ZNF28: variants seen among roughly 807,000 people sequenced by gnomAD.
The protein encoded by ZNF28 is zinc finger protein 28.
ZNF28 carries 5 observed loss-of-function variants against 7.2 expected under a neutral mutation model. The observed-to-expected ratio is 0.70, with a 90% CI of 0.36 to 1.46. ZNF28 has a LOEUF of 1.46. ZNF28 is among the 40% of genes most tolerant of loss of function. The pLI, the probability that ZNF28 is intolerant of heterozygous loss-of-function variation, is 0.03. For synonymous variants in ZNF28, 288 were observed against 292.4 expected (o/e 0.99, Z 0.15); for missense variants, 879 against 866.6 (o/e 1.01, Z -0.18).
intron 2 of ZNF28, chr19:52,810,454 CAA>C: frequency 6.3e-7 from 1 of 1,596,772 alleles, no homozygotes; most frequent in Non-Finnish European, 8.6e-7. Flanking sequence ...ATAGAGTTCT[CAA>C]AGAGTCAGTG....
intron 1 of ZNF28, among the ~76,000 whole-genome samples, chr19:52,818,885 GAAAAAA>G (rs561203089): frequency 0.025 from 2,832 of 114,300 alleles, 344 homozygotes; most frequent in African/African-American, 0.089. Flanking sequence ...GTCTGTTTGG[GAAAAAA>G]AAAAAAAAAA....
intron 3 of ZNF28, among the ~76,000 whole-genome samples, chr19:52,804,853 A>G (rs1695033774): frequency 6.6e-6 from 1 of 152,240 alleles, no homozygotes; most frequent in African/African-American, 2.4e-5. Context: ...GACAGGAGAA[A>G]GAGCATCTCA....
chr19:52,808,055 G>A lies in ZNF28; in HGVS notation c.94C>T (p.Leu32Phe), dbSNP rs1303989335. 3.1e-6 allele frequency: 5 copies of A among 1,613,592 alleles called. No individual in the cohort carries two copies. The highest frequency in any genetic ancestry group is 1.3e-5 in the African/African-American group (1 of 75,050). ...WKCLDPAQRT[L>F]YRDVMLENYR... is the part of the protein sequence containing the mutation. ...TTCTCCAGCATCACATCCCTGTAAAGAGTCCTCTGAGCAGGGTCCAGGCAT... is the reference window on the plus strand; with the variant it reads ...TTCTCCAGCATCACATCCCTGTAAAAAGTCCTCTGAGCAGGGTCCAGGCAT... The change falls in exon 3 of 4, where the codon CTT (leucine) becomes TTT (phenylalanine). Residue 32 changes from leucine (L) to phenylalanine (F), a missense_variant. By Grantham distance (22) the Leu-to-Phe change is conservative (BLOSUM62 0). This residue lies in a region of ZNF28 where 864 missense variants were observed against 830.2 expected (regional missense o/e 1.04). Transcript: ENST00000457749.
chr19:52,809,316 C>T (rs1568653969), intron 2 of ZNF28, among the ~76,000 whole-genome samples: 1 of 152,212 alleles, frequency 6.6e-6, no homozygotes, highest in Non-Finnish European at 1.5e-5. Context: ...GCAAAGGACA[C>T]ATGTGTTGTC....
At chr19:52,807,107 C>T (rs2062946752) in intron 3 of ZNF28, among the ~76,000 whole-genome samples, 1 of 152,192 alleles carries the variant, frequency 6.6e-6, no homozygotes, top group Non-Finnish European at 1.5e-5. Context: ...ACCTGTAATA[C>T]ATTCCCACCC....
chr19:52,800,590 C>T lies in ZNF28; in HGVS notation c.1255G>A (p.Ala419Thr), dbSNP rs2062852949. ...GCCAGGTATGAATTATATGCAAAAG[C>T]CTTGTCACAAACCTTACATTTGTAT... ...KPYKCKVCDK[A>T]FAYNSYLAKH... Residue 419 changes from alanine to threonine, a missense_variant, in exon 4 of 4, where the codon GCT (alanine) becomes ACT (threonine). Ala to Thr is a moderately conservative substitution (Grantham distance 58, BLOSUM62 0). This residue lies in a region of ZNF28 where 864 missense variants were observed against 830.2 expected (regional missense o/e 1.04). Coordinates refer to ENST00000457749, the MANE Select transcript of ZNF28 (RefSeq NM_006969.5). The T allele has an allele frequency of 1.9e-6, 3 of 1,613,124 alleles. No individual in the cohort carries two copies. Among genetic ancestry groups the T allele is most frequent in the Admixed American group, 1.7e-5 (1 of 59,846 alleles).
Position 52,799,467 on chromosome 19 carries a change from T to C in ZNF28, c.*221A>G, listed in dbSNP as rs970307679. On this transcript the variant is annotated 3_prime_UTR_variant, in exon 4 of 4. Transcript: ENST00000457749. ...TTTCTCTGCAGTATGAATTCTATGA[T>C]GACGTGCAAGGGTTGTTTTTTGATT... is the stretch of plus-strand genomic sequence containing the variant. 7.4e-5 allele frequency: 65 copies of C among 878,368 alleles called. No individual in the cohort carries two copies. The highest frequency in any genetic ancestry group is 2.2e-4 in the Middle Eastern group (1 of 4,448). The allele number at this position is 878,368 out of a possible 1,614,324, so 54.4% of individuals were successfully genotyped here. A position where few individuals can be genotyped will look rare whatever the true frequency, so the allele number is the denominator to read the frequency against.
Position 52,799,724 on chromosome 19 carries a change from T to G in ZNF28, c.2121A>C (p.Val707=). 1 of 1,610,738 alleles carries G rather than the reference T, an allele frequency of 6.2e-7. No homozygotes were observed. The highest frequency in any genetic ancestry group is 1.1e-5 in the South Asian group (1 of 90,896). ...CTCCACTATGAAGTCTATGATGGTA[T>G]ACAAGGTTTGACATCTGACTGAAGG... ...GKTFSQMSNL[V]YHHRLHSGEK... is the part of the protein sequence containing the mutation. Residue 707 remains valine (V), a synonymous_variant, in exon 4 of 4, where the codon GTA becomes GTC. Transcript: ENST00000457749.
chr19:52,802,884 C>T (rs1395479745), intron 3 of ZNF28, among the ~76,000 whole-genome samples: 3 of 151,054 alleles, frequency 2.0e-5, no homozygotes, highest in South Asian at 4.2e-4. Context: ...CCTCAGCCTC[C>T]CCAGCAGCTT....
intron 2 of ZNF28, chr19:52,810,088 GAGCCACCGGC>G: frequency 5.2e-6 from 4 of 774,830 alleles, no homozygotes; most frequent in Non-Finnish European, 6.9e-6. Flanking sequence ...CCTCGTTCAG[GAGCCACCGGC>G]AGCCAAGAGG....
chr19:52,802,853 C>G (rs1052424943), intron 3 of ZNF28, among the ~76,000 whole-genome samples: 1 of 150,116 alleles, frequency 6.7e-6, no homozygotes, highest in Non-Finnish European at 1.5e-5. Flanking sequence ...CTCCACCTCC[C>G]GGGTTCACGC....
At chr19:52,817,831 G>C (rs2063146305) in intron 2 of ZNF28, 113 bp downstream of exon 2, 2 of 1,570,616 alleles carry the variant, frequency 1.3e-6, no homozygotes, top group African/African-American at 1.4e-5. Context: ...ATGGGTGAGG[G>C]TGAGCAAACA....
intron 2 of ZNF28, among the ~76,000 whole-genome samples, chr19:52,811,660 C>G (rs76362744): frequency 7.2e-6 from 1 of 139,134 alleles, no homozygotes; most frequent in Admixed American, 6.9e-5. Flanking sequence ...GCCTGGCAAC[C>G]GCCCCGTCTG....
In ZNF28 at chr19:52,801,060, C is replaced by T. The variant is rs747431891; in HGVS notation, c.785G>A (p.Arg262His). ...AGGTTTCTCATCAATGTGAGATCTA[C>T]GATGGCATGCAAGGTATCGCTTCTG... Reference protein sequence around the residue: ...FNQKRYLACHRRSHIDEKPYK... With the variant: ...FNQKRYLACHHRSHIDEKPYK... The change falls in exon 4 of 4, where the codon CGT becomes CAT. Residue 262 changes from arginine to histidine, a missense_variant. By Grantham distance (29) the Arg-to-His change is conservative. Transcript: ENST00000457749. The T allele has an allele frequency of 2.3e-5, 37 of 1,614,122 alleles. No homozygotes were observed. In the Middle Eastern group the frequency reaches 4.9e-4, roughly 22 times the overall value.
chr19:52,818,102 A>C, intron 1 of ZNF28, 71 bp from the exon 2 acceptor site: 1 of 1,394,772 alleles, frequency 7.2e-7, no homozygotes, highest in Non-Finnish European at 9.7e-7. Context: ...AACAACACAT[A>C]CAAAGGAGAC....
chr19:52,808,225 T>C (rs2062962237), intron 2 of ZNF28, 92 bp from the exon 3 acceptor site: 4 of 1,556,854 alleles, frequency 2.6e-6, no homozygotes, highest in Non-Finnish European at 2.6e-6. Flanking sequence ...TGGATTTAGT[T>C]GTAGTGAATG....
At chr19:52,811,026 A>G (rs1334730773) in intron 2 of ZNF28, among the ~76,000 whole-genome samples, 1 of 136,104 alleles carries the variant, frequency 7.3e-6, no homozygotes, top group Non-Finnish European at 1.6e-5. Flanking sequence ...AGTGCCTGCG[A>G]TTGCAGGCAC....
intron 3 of ZNF28, chr19:52,806,113 T>C (rs929142276): frequency 1.3e-5 from 2 of 152,116 alleles, no homozygotes; most frequent in African/African-American, 4.8e-5. Flanking sequence ...TTAACAAAAA[T>C]GCAACATACA....
At chr19:52,819,225 A>C (rs1242862647) in intron 1 of ZNF28, among the ~76,000 whole-genome samples, 5 of 134,530 alleles carry the variant, frequency 3.7e-5, no homozygotes, top group Non-Finnish European at 7.9e-5. Context: ...CTGTGGAGCC[A>C]AAGTGAAGAG....
Sources: gnomAD v4.1 joint callset for allele counts (sites outside exome capture counted in the v4.1 genomes callset) on GRCh38, gnomAD v4.1.1 for gene constraint, gnomAD v4.1.1 regional missense constraint, MANE v1.5 for transcripts, NCBI Gene and HGNC (gene_info 2026-07-23, HGNC 2026-07-21) for gene names.